Variants in SHLD2 observed in about 807,000 individuals in gnomAD.
The protein encoded by SHLD2 is RINN1-REV7-interacting novel NHEJ regulator 2.
In SHLD2, 30 loss-of-function variants were observed where a neutral mutation model predicts 73.2. The ratio of observed to expected loss-of-function variants is 0.41; its 90% CI spans 0.31 to 0.56. The LOEUF is 0.56. Ranked by LOEUF, SHLD2 falls within the 20% of genes least tolerant of loss-of-function variation. The pLI is 0.28. For missense variants in SHLD2, 745 were observed against 1,055.9 expected (o/e 0.71, Z 4.08); for synonymous variants, 285 against 370.1 (o/e 0.77, Z 2.64).
chr10:87,190,458 G>T (rs1244462708), intron 9 of SHLD2, 26 bp from the exon 10 acceptor site: 1 of 1,601,064 alleles, frequency 6.2e-7, no homozygotes, highest in African/African-American at 1.3e-5. Context: ...GCGATCTTGG[G>T]AGCTCTGTGT....
rs540484756 is a variant in SHLD2, at chr10:87,190,708, T to C, written c.*25T>C. 9.3e-5 allele frequency: 148 copies of C among 1,586,856 alleles called. No homozygotes were observed. Among genetic ancestry groups the C allele is most frequent in the Non-Finnish European group, 1.2e-4 (143 of 1,157,124 alleles). The stretch of plus-strand genomic sequence containing the variant: ...AGGCCAGAGGAAGAAATTGCAGGCA[T>C]TTCAAGGAAGAAGTACTGAAATGAT... On this transcript the variant is annotated 3_prime_UTR_variant, in exon 10 of 10. Coordinates refer to ENST00000298786, the MANE Select transcript of SHLD2 (RefSeq NM_001330112.2).
chr10:87,190,478 T>C lies in SHLD2; in HGVS notation c.2516-6T>C. The C allele has an allele frequency of 6.2e-7, 1 of 1,611,666 alleles. No homozygotes were observed. The highest frequency in any genetic ancestry group is 1.1e-5 in the South Asian group (1 of 90,976). ...CTTGGGAGCTCTGTGTTTTTGTCTTTTGCAGTTCCTTCCTCAGAGATCACC... is the reference window on the plus strand; with the variant it reads ...CTTGGGAGCTCTGTGTTTTTGTCTTCTGCAGTTCCTTCCTCAGAGATCACC... On this transcript the variant is annotated splice_region_variant and splice_polypyrimidine_tract_variant and intron_variant, in intron 9 of 9. Coordinates refer to ENST00000298786, the MANE Select transcript of SHLD2 (RefSeq NM_001330112.2).
upstream of SHLD2, chr10:87,094,865 C>A: frequency 2.1e-6 from 2 of 950,928 alleles, no homozygotes; most frequent in South Asian, 3.3e-5. This position sits in a 1 kb window ranked among gnomAD's most constrained non-coding sequence, Gnocchi z 6.6. Context: ...CGCGGGTTGC[C>A]CTTTTAAGCC....
chr10:87,166,819 A>G (rs1847233511), intron 4 of SHLD2, among the ~76,000 whole-genome samples: 2 of 152,226 alleles, frequency 1.3e-5, no homozygotes, highest in Non-Finnish European at 2.9e-5. Flanking sequence ...AAGACTTAGT[A>G]TGAACCTATA....
chr10:87,116,522 A>T (rs1843265349), intron 2 of SHLD2, among the ~76,000 whole-genome samples: 1 of 152,066 alleles, frequency 6.6e-6, no homozygotes, highest in South Asian at 2.1e-4. Context: ...CAGATGGGGA[A>T]GTGTTTGGGT....
intron 2 of SHLD2, among the ~76,000 whole-genome samples, chr10:87,135,660 ATTTTTTT>A: frequency 7.5e-6 from 1 of 133,564 alleles, no homozygotes; most frequent in South Asian, 2.5e-4. Flanking sequence ...CACCTGGCTA[ATTTTTTT>A]TTTTTTTTTT....
chr10:87,187,125 T>A lies in SHLD2; in HGVS notation c.2440T>A (p.Cys814Ser). Residue 814 changes from cysteine to serine, a missense_variant, in exon 9 of 10, where the codon TGT becomes AGT. Physicochemically the swap from Cys to Ser is moderately radical, Grantham distance 112. Coordinates refer to ENST00000298786, the MANE Select transcript of SHLD2 (RefSeq NM_001330112.2). Reference sequence around the variant, plus strand: ...TGCCATTGATGGAAGACATGATGTTTGTATCCGTGTAGAATCAAAGCTGAT... The same window carrying A: ...TGCCATTGATGGAAGACATGATGTTAGTATCCGTGTAGAATCAAAGCTGAT... Reference protein sequence around the residue: ...MTAIDGRHDVCIRVESKLIEK... With the variant: ...MTAIDGRHDVSIRVESKLIEK... The A allele has an allele frequency of 6.2e-7, 1 of 1,613,616 alleles. No individual in the cohort carries two copies. The highest frequency in any genetic ancestry group is 8.5e-7 in the Non-Finnish European group (1 of 1,179,618).
At position 87,187,116 on chromosome 10, in the gene SHLD2, C is replaced by T; in HGVS notation, c.2431C>T (p.His811Tyr). 2 of 1,613,314 alleles carry T rather than the reference C, an allele frequency of 1.2e-6. No homozygotes were observed. Among genetic ancestry groups the T allele is most frequent in the Non-Finnish European group, 1.7e-6 (2 of 1,179,366 alleles). ...PALMTAIDGR[H>Y]DVCIRVESKL... ...GTTAATGACTGCCATTGATGGAAGA[C>T]ATGATGTTTGTATCCGTGTAGAATC... The change falls in exon 9 of 10, where the codon CAT (histidine) becomes TAT (tyrosine). Residue 811 changes from histidine to tyrosine, a missense_variant. By Grantham distance (83) the His-to-Tyr change is moderately conservative. Transcript: ENST00000298786.
intron 2 of SHLD2, among the ~76,000 whole-genome samples, chr10:87,129,845 C>T (rs1163229805): frequency 1.3e-5 from 2 of 151,952 alleles, no homozygotes. Context: ...GTCTCGAACT[C>T]TTAAGCGCCA....
intron 4 of SHLD2, among the ~76,000 whole-genome samples, chr10:87,165,982 C>G (rs1226373042): frequency 6.6e-6 from 1 of 152,030 alleles, no homozygotes; most frequent in East Asian, 1.9e-4. Context: ...TGATAAAATT[C>G]AACACTTGTT....
intron 7 of SHLD2, among the ~76,000 whole-genome samples, chr10:87,178,337 C>T (rs1170716175): frequency 4.6e-5 from 7 of 151,210 alleles, no homozygotes; most frequent in Non-Finnish European, 8.8e-5. Flanking sequence ...ACAGGAGACT[C>T]TACTTGGGTG....
At chr10:87,094,530 G>A, upstream of SHLD2, 3 of 1,612,770 alleles carry the variant, frequency 1.9e-6, no homozygotes, top group Non-Finnish European at 2.5e-6. This position sits in a 1 kb window ranked among gnomAD's most constrained non-coding sequence, Gnocchi z 6.6. Flanking sequence ...TGTCCTCCAC[G>A]ATGCTGGCGC....
At chr10:87,127,866 C>T (rs3127932) in intron 2 of SHLD2, among the ~76,000 whole-genome samples, 16,116 of 151,206 alleles carry the variant, frequency 0.11, 1,118 homozygotes, top group Middle Eastern at 0.23. Context: ...GGATTTCTGC[C>T]GTCAGTGTCA....
chr10:87,186,828 A>G (rs1234850970), intron 8 of SHLD2, among the ~76,000 whole-genome samples: 1 of 151,796 alleles, frequency 6.6e-6, no homozygotes, highest in Non-Finnish European at 1.5e-5. Flanking sequence ...ACAGTTTAAT[A>G]TATTTTTATA....
In SHLD2 at chr10:87,152,206, A is replaced by T; in HGVS notation, c.852A>T (p.Arg284Ser). ...CAAAGGCAAGTTACGGGGAGATAAG[A>T]ATACCTGAAGAGAATTCGATTCAGC... is the stretch of plus-strand genomic sequence containing the variant. ...TEPKASYGEI[R>S]IPEENSIQLD... The change falls in exon 3 of 10, where the codon AGA becomes AGT. Residue 284 changes from arginine to serine, a missense_variant. Around this residue, in one of 5 missense-constraint regions of SHLD2, gnomAD observed 280 missense variants for 353.9 expected, o/e 0.79. Transcript: ENST00000298786. 2 of 1,590,710 alleles carry T rather than the reference A, an allele frequency of 1.3e-6. No individual in the cohort carries two copies. The highest frequency in any genetic ancestry group is 1.7e-6 in the Non-Finnish European group (2 of 1,165,600).
chr10:87,138,594 A>C (rs1844967692), intron 2 of SHLD2, among the ~76,000 whole-genome samples: 1 of 152,164 alleles, frequency 6.6e-6, no homozygotes, highest in Non-Finnish European at 1.5e-5. Flanking sequence ...AAAGGAGGAG[A>C]TGGAATTATA....
chr10:87,182,624 A>G (rs1349473875), intron 8 of SHLD2, among the ~76,000 whole-genome samples: 8 of 152,168 alleles, frequency 5.3e-5, no homozygotes, highest in African/African-American at 1.9e-4. Context: ...GAATACAAGA[A>G]ATACATTTAT....
intron 2 of SHLD2, among the ~76,000 whole-genome samples, chr10:87,119,993 A>G (rs1282595276): frequency 6.6e-6 from 1 of 152,084 alleles, no homozygotes; most frequent in Non-Finnish European, 1.5e-5. Flanking sequence ...TCCTGAGCAA[A>G]GAAAAAATAG....
intron 2 of SHLD2, among the ~76,000 whole-genome samples, chr10:87,139,673 C>T (rs1228174332): frequency 6.6e-6 from 1 of 152,108 alleles, no homozygotes; most frequent in Non-Finnish European, 1.5e-5. Context: ...ACTAAAAATA[C>T]AAAAATTAGC....
Sources: gnomAD v4.1 joint callset for allele counts (sites outside exome capture counted in the v4.1 genomes callset) on GRCh38, gnomAD v4.1.1 for gene constraint, gnomAD v4.1.1 regional missense constraint, Gnocchi (gnomAD v3.1) non-coding constraint, MANE v1.5 for transcripts, NCBI Gene and HGNC (gene_info 2026-07-23, HGNC 2026-07-21) for gene names.